BRAF: variants seen among roughly 807,000 people sequenced by gnomAD.
The protein encoded by BRAF is serine/threonine-protein kinase B-raf.
Under a neutral mutation model 104.6 loss-of-function variants are expected in BRAF, and 16 were observed. The observed-to-expected ratio is 0.15, with a 90% CI of 0.10 to 0.23. The LOEUF is 0.23. BRAF is among the 10% of genes least tolerant of loss of function. The pLI is 1.00. For synonymous variants in BRAF, 310 were observed against 341.6 expected (o/e 0.91, Z 1.02); for missense variants, 541 against 937.3 (o/e 0.58, Z 5.52).
chr7:140,835,083 C>T (rs1807183040), intron 2 of BRAF: 2 of 597,588 alleles, frequency 3.3e-6, no homozygotes, highest in Admixed American at 5.9e-5. Context: ...CACTATATTA[C>T]ACCTGATAAA....
At chr7:140,823,897 T>C (rs1228741861) in intron 3 of BRAF, 6 of 152,230 alleles carry the variant, frequency 3.9e-5, no homozygotes, top group Non-Finnish European at 8.8e-5. Flanking sequence ...TTGATTTGCA[T>C]GTTCCTAATA....
intron 1 of BRAF, among the ~76,000 whole-genome samples, chr7:140,873,209 C>T (rs931078827): frequency 1.3e-4 from 18 of 140,910 alleles, no homozygotes; most frequent in South Asian, 9.2e-4. Flanking sequence ...TTCTGCTCGT[C>T]GCCCAGGCTG....
chr7:140,867,118 T>C (rs1811052977), intron 1 of BRAF, among the ~76,000 whole-genome samples: 1 of 152,144 alleles, frequency 6.6e-6, no homozygotes, highest in African/African-American at 2.4e-5. Context: ...GCACCAACCT[T>C]ATACAGTGCC....
At chr7:140,716,823 A>AAGAT (rs1190968440), downstream of BRAF, among the ~76,000 whole-genome samples, 1 of 152,232 alleles carries the variant, frequency 6.6e-6, no homozygotes, top group East Asian at 1.9e-4. Context: ...ATGTTATAGG[A>AAGAT]AGATACAGAA....
At chr7:140,826,148 G>A (rs769436867) in intron 3 of BRAF, among the ~76,000 whole-genome samples, 5 of 152,018 alleles carry the variant, frequency 3.3e-5, no homozygotes, top group Non-Finnish European at 7.4e-5. Context: ...TATTCACTGA[G>A]TTTTTTAAAT....
chr7:140,788,045 T>C (rs1199782429), intron 8 of BRAF, among the ~76,000 whole-genome samples: 2 of 152,156 alleles, frequency 1.3e-5, no homozygotes, highest in East Asian at 3.8e-4. Context: ...CTGTGCTTCA[T>C]ACCGAGGTAA....
At chr7:140,792,288 A>G (rs1228286146) in intron 8 of BRAF, among the ~76,000 whole-genome samples, 2 of 152,070 alleles carry the variant, frequency 1.3e-5, no homozygotes, top group African/African-American at 4.8e-5. Flanking sequence ...CCTCCACTCT[A>G]CCATCAAAGA....
At chr7:140,832,164 A>T (rs1194615010) in intron 3 of BRAF, among the ~76,000 whole-genome samples, 2 of 152,238 alleles carry the variant, frequency 1.3e-5, no homozygotes, top group African/African-American at 4.8e-5. Flanking sequence ...ACAAAGATAT[A>T]AAGGCAAGTG....
Position 140,787,390 on chromosome 7 carries a change from G to A in BRAF, c.1177+158C>T, listed in dbSNP as rs71645961. Among the ~76,000 whole-genome samples, 494 of 151,086 alleles carry A rather than the reference G, an allele frequency of 3.3e-3. 3 individuals carry two copies. Among genetic ancestry groups the A allele is most frequent in the African/African-American group, 0.011 (472 of 41,200 alleles). Reference sequence around the variant, plus strand: ...TAAACTAGTTAACATTTTATTAGAGGTAAATGACAAACACTACAGAAAAAC... The same window carrying A: ...TAAACTAGTTAACATTTTATTAGAGATAAATGACAAACACTACAGAAAAAC... On this transcript the variant is annotated intron_variant, in intron 9 of 19. Coordinates refer to ENST00000644969, the MANE Select transcript of BRAF (RefSeq NM_001374258.1).
chr7:140,800,294 T>C, intron 7 of BRAF, 68 bp downstream of exon 7: 2 of 1,609,866 alleles, frequency 1.2e-6, no homozygotes, highest in South Asian at 2.2e-5. Flanking sequence ...AGGTTTCTAA[T>C]TAACCAGGAG....
intron 1 of BRAF, among the ~76,000 whole-genome samples, chr7:140,923,204 AT>A (rs375834383): frequency 1.3e-5 from 2 of 152,080 alleles, no homozygotes; most frequent in Non-Finnish European, 2.9e-5. Context: ...CAAAAAAAAA[AT>A]TGCAGAGAGA....
downstream of BRAF, among the ~76,000 whole-genome samples, chr7:140,715,790 A>G (rs571067710): frequency 1.3e-5 from 2 of 152,376 alleles, no homozygotes; most frequent in South Asian, 4.1e-4. Flanking sequence ...GTTACAGGAA[A>G]TAATAATGAA....
Position 140,739,918 on chromosome 7 carries a change from A to T in BRAF, c.2141T>A (p.Leu714Gln). 6.2e-7 allele frequency: 1 copy of T among 1,613,884 alleles called. No homozygotes were observed. Among genetic ancestry groups the T allele is most frequent in the Non-Finnish European group, 8.5e-7 (1 of 1,179,898 alleles). The change falls in exon 18 of 20, where the codon CTG becomes CAG. Residue 714 changes from leucine (L) to glutamine (Q), a missense_variant. Around this residue, in one of 10 missense-constraint regions of BRAF, gnomAD observed 129 missense variants for 285.8 expected, o/e 0.45. Coordinates refer to ENST00000644969, the MANE Select transcript of BRAF (RefSeq NM_001374258.1). ...CCGTACCTTACTGAGATCTGGAGACAGGTATCCTCGTCCCACCATAAAAAT... is the reference window on the plus strand; with the variant it reads ...CCGTACCTTACTGAGATCTGGAGACTGGTATCCTCGTCCCACCATAAAAAT... The part of the protein sequence containing the change: ...QIIFMVGRGY[L>Q]SPDLSKVRSN...
At chr7:140,783,267 G>A (rs1277042580) in intron 10 of BRAF, 110 bp from the exon 10 acceptor site, 5 of 1,344,042 alleles carry the variant, frequency 3.7e-6, no homozygotes, top group African/African-American at 1.5e-5. Flanking sequence ...TGTAGTGCAT[G>A]TTTAAATATA....
At chr7:140,777,953 C>T (rs1268728728) in intron 13 of BRAF, 38 bp downstream of exon 12, 1 of 1,595,076 alleles carries the variant, frequency 6.3e-7, no homozygotes, top group African/African-American at 1.3e-5. Flanking sequence ...ATAAAAATAA[C>T]TTCTTTCTCT....
intron 14 of BRAF, among the ~76,000 whole-genome samples, chr7:140,768,449 T>G (rs1365597883): frequency 6.6e-6 from 1 of 152,066 alleles, no homozygotes; most frequent in African/African-American, 2.4e-5. Flanking sequence ...AAGAGGCATT[T>G]GGGTCTGGGT....
intron 7 of BRAF, 130 bp downstream of exon 7, chr7:140,800,232 T>C (rs1293198144): frequency 5.0e-6 from 7 of 1,388,336 alleles, no homozygotes; most frequent in South Asian, 1.2e-5. Context: ...CTGAGTGGTA[T>C]GATAAGTTAT....
chr7:140,875,408 C>T (rs1812116664), intron 1 of BRAF, among the ~76,000 whole-genome samples: 1 of 152,212 alleles, frequency 6.6e-6, no homozygotes, highest in South Asian at 2.1e-4. Context: ...TAGCATCTTG[C>T]TCTGTCGCCC....
chr7:140,918,494 G>A (rs1817857839), intron 1 of BRAF, among the ~76,000 whole-genome samples: 1 of 152,148 alleles, frequency 6.6e-6, no homozygotes, highest in Non-Finnish European at 1.5e-5. Flanking sequence ...ACAGGTCACG[G>A]ACTGGTAGAT....
Sources: gnomAD v4.1 joint callset for allele counts (sites outside exome capture counted in the v4.1 genomes callset) on GRCh38, gnomAD v4.1.1 for gene constraint, gnomAD v4.1.1 regional missense constraint, MANE v1.5 for transcripts, NCBI Gene and HGNC (gene_info 2026-07-23, HGNC 2026-07-21) for gene names.